IMPG1: variants seen among roughly 807,000 people sequenced by gnomAD.
The protein encoded by IMPG1 is interphotoreceptor matrix proteoglycan 1.
A neutral mutation model predicts 92.0 loss-of-function variants in IMPG1; 85 were observed. The ratio of observed to expected loss-of-function variants is 0.92; its 90% CI spans 0.78 to 1.11. The LOEUF is 1.11. Ranked by LOEUF, IMPG1 falls within the 50% of genes least tolerant of loss-of-function variation. The pLI is 0.00. For missense variants in IMPG1, 1,022 were observed against 956.0 expected (o/e 1.07, Z -0.91); for synonymous variants, 367 against 334.1 (o/e 1.10, Z -1.08).
intron 2 of IMPG1, among the ~76,000 whole-genome samples, chr6:76,037,860 G>T (rs1453321962): frequency 6.6e-6 from 1 of 152,226 alleles, no homozygotes; most frequent in African/African-American, 2.4e-5. Context: ...CATCGGGGAA[G>T]ATATTATGTG....
At chr6:76,033,145 C>T (rs1029756932) in intron 4 of IMPG1, among the ~76,000 whole-genome samples, 3 of 152,128 alleles carry the variant, frequency 2.0e-5, no homozygotes, top group Non-Finnish European at 4.4e-5. Flanking sequence ...AGGAGCCAGA[C>T]ACAGAGAAGG....
At chr6:75,965,359 T>C (rs1442126638) in intron 12 of IMPG1, among the ~76,000 whole-genome samples, 2 of 133,896 alleles carry the variant, frequency 1.5e-5, no homozygotes, top group Non-Finnish European at 3.1e-5. Context: ...CCAGCATTTG[T>C]TGTTACTTTT....
At chr6:75,942,042 A>G (rs940468007) in intron 14 of IMPG1, among the ~76,000 whole-genome samples, 2 of 152,150 alleles carry the variant, frequency 1.3e-5, no homozygotes, top group Non-Finnish European at 2.9e-5. Flanking sequence ...AACTATGTCT[A>G]CTACGAAGGT....
intron 1 of IMPG1, among the ~76,000 whole-genome samples, chr6:76,057,898 G>A (rs999146480): frequency 2.0e-5 from 3 of 151,900 alleles, no homozygotes; most frequent in Non-Finnish European, 4.4e-5. Flanking sequence ...ACTTTAAATA[G>A]CTGCATGTTA....
intron 12 of IMPG1, among the ~76,000 whole-genome samples, chr6:75,961,012 T>A (rs7770195): frequency 0.099 from 15,060 of 152,218 alleles, 1,049 homozygotes; most frequent in East Asian, 0.35. Flanking sequence ...CCACAAATGA[T>A]ATGGTCCAAC....
chr6:76,057,247 T>C (rs1451457808), intron 1 of IMPG1, among the ~76,000 whole-genome samples: 1 of 152,104 alleles, frequency 6.6e-6, no homozygotes, highest in East Asian at 1.9e-4. Flanking sequence ...ATGCCACATG[T>C]TTACCTATAC....
At chr6:75,978,558 A>G (rs1782575491) in intron 12 of IMPG1, among the ~76,000 whole-genome samples, 3 of 152,334 alleles carry the variant, frequency 2.0e-5, no homozygotes, top group Middle Eastern at 6.8e-3. Context: ...GTTCAGTACT[A>G]AAGTTCAGTT....
chr6:75,994,868 A>T (rs2149474367), intron 12 of IMPG1, among the ~76,000 whole-genome samples: 1 of 152,298 alleles, frequency 6.6e-6, no homozygotes, highest in African/African-American at 2.4e-5. Flanking sequence ...GGAAGCAAAA[A>T]ACTGACCCTG....
In IMPG1 at chr6:75,945,989, G is replaced by A. The variant is rs115510848; in HGVS notation, c.2044+1325C>T. On this transcript the variant is annotated intron_variant, in intron 14 of 16. Coordinates refer to ENST00000369950, the MANE Select transcript of IMPG1 (RefSeq NM_001563.4). ...GAGGGAGGAAGGAAGACAGGGGATT[G>A]TGCTATGACTTCTTCAATGCTTTCC... Among the ~76,000 whole-genome samples, 1,413 of 152,294 alleles carry A rather than the reference G, an allele frequency of 9.3e-3. 24 individuals are homozygous for A. The highest frequency in any genetic ancestry group is 0.031 in the African/African-American group (1,295 of 41,552).
chr6:75,982,027 CTTTTA>C (rs1782635515), intron 12 of IMPG1, among the ~76,000 whole-genome samples: 1 of 152,156 alleles, frequency 6.6e-6, no homozygotes, highest in Admixed American at 6.5e-5. Context: ...ATTTCTTCCA[CTTTTA>C]TTTTACAGAA....
chr6:76,070,069 C>A (rs1784380533), intron 1 of IMPG1, among the ~76,000 whole-genome samples: 2 of 152,056 alleles, frequency 1.3e-5, no homozygotes, highest in Non-Finnish European at 2.9e-5. Flanking sequence ...AATTGTACCC[C>A]AAAACTCAGC....
At chr6:76,016,533 A>C (rs1178206245) in intron 7 of IMPG1, among the ~76,000 whole-genome samples, 1 of 152,244 alleles carries the variant, frequency 6.6e-6, no homozygotes, top group Admixed American at 6.5e-5. Flanking sequence ...TGACATTTAT[A>C]GAAATAATTC....
chr6:76,025,222 C>T lies in IMPG1; in HGVS notation c.534G>A (p.Glu178=). 2 of 1,603,258 alleles carry T rather than the reference C, an allele frequency of 1.2e-6. No individual in the cohort carries two copies. Among genetic ancestry groups the T allele is most frequent in the Non-Finnish European group, 8.5e-7 (1 of 1,171,244 alleles). The change falls in exon 5 of 17, where the codon GAG becomes GAA. Residue 178 remains glutamate (E), a synonymous_variant. Coordinates refer to ENST00000369950, the MANE Select transcript of IMPG1 (RefSeq NM_001563.4). ...TTGAAATGACAATGGTTTCACCAGG[C>T]TCTCCCAATGTCTTCTCTGCAGATA... ...DEISAEKTLG[E]PGETIVISTD...
At position 76,054,724 on chromosome 6, in the gene IMPG1, C is replaced by T. The variant is rs188761799; in HGVS notation, c.68-12598G>A. 2.6e-3 allele frequency among the ~76,000 whole-genome samples: 393 copies of T among 152,130 alleles called. 1 individual carries two copies. Among genetic ancestry groups the T allele is most frequent in the Non-Finnish European group, 3.8e-3 (259 of 67,976 alleles). On this transcript the variant is annotated intron_variant, in intron 1 of 16. Coordinates refer to ENST00000369950, the MANE Select transcript of IMPG1 (RefSeq NM_001563.4). ...TCTTTCATGACTGATTTCAAGCCAC[C>T]AATGTGACATAACTGAACACTGAGT...
At chr6:76,018,963 G>T in intron 6 of IMPG1, 105 bp from the exon 7 acceptor site, 1 of 1,048,654 alleles carries the variant, frequency 9.5e-7, no homozygotes, top group Non-Finnish European at 1.3e-6. Context: ...GGATTATGAA[G>T]GCTTAAGTGT....
At chr6:76,066,556 C>T (rs966279377) in intron 1 of IMPG1, among the ~76,000 whole-genome samples, 3 of 151,988 alleles carry the variant, frequency 2.0e-5, no homozygotes, top group Non-Finnish European at 2.9e-5. Flanking sequence ...ATTCATAAAA[C>T]AAATTCTACT....
chr6:75,967,737 G>C (rs966148428), intron 12 of IMPG1, among the ~76,000 whole-genome samples: 6 of 152,182 alleles, frequency 3.9e-5, no homozygotes, highest in African/African-American at 1.4e-4. Context: ...TACAGAAATT[G>C]CCAGAAAAAT....
At chr6:76,007,591 A>T in intron 8 of IMPG1, 91 bp from the exon 9 acceptor site, 1 of 843,072 alleles carries the variant, frequency 1.2e-6, no homozygotes, top group East Asian at 2.8e-5. Flanking sequence ...TTTATATACA[A>T]AAGAAAAAAA....
chr6:76,059,315 T>C (rs920524931), intron 1 of IMPG1, among the ~76,000 whole-genome samples: 2 of 152,134 alleles, frequency 1.3e-5, no homozygotes, highest in African/African-American at 4.8e-5. Context: ...ATAAGCTACT[T>C]ACTACTAAAC....
Sources: allele counts gnomAD v4.1 joint callset (sites outside exome capture counted in the v4.1 genomes callset), GRCh38; gene constraint gnomAD v4.1.1; transcripts MANE v1.5; gene names NCBI Gene and HGNC (gene_info 2026-07-23, HGNC 2026-07-21).